Variants in ZNF329 observed in about 807,000 individuals in gnomAD.
The protein encoded by ZNF329 is zinc finger protein 329.
ZNF329 carries 15 observed loss-of-function variants against 26.6 expected under a neutral mutation model. That is an observed-to-expected ratio of 0.56 (90% CI 0.38 to 0.87). ZNF329 has a LOEUF of 0.87. Among genes scored for constraint, ZNF329 ranks in the 40% least tolerant of loss-of-function variants. ZNF329 has a pLI of 0.00. For missense variants in ZNF329, 651 were observed against 651.9 expected, an observed-to-expected ratio of 1.00 and a Z score of 0.02; for synonymous variants, 239 against 233.5, an observed-to-expected ratio of 1.02 and a Z score of -0.21.
chr19:58,141,424 G>A (rs1282280675), intron 3 of ZNF329, among the ~76,000 whole-genome samples: 2 of 151,924 alleles, frequency 1.3e-5, no homozygotes, highest in Non-Finnish European at 2.9e-5. Context: ...TCAGTCTCCC[G>A]AGTACCTGGG....
chr19:58,136,684 C>CAAAAAAAAAAAAAA (rs56293356), intron 3 of ZNF329: 2 of 88,696 alleles, frequency 2.3e-5, no homozygotes, highest in African/African-American at 1.0e-4. Context: ...AGACTGTCTC[C>CAAAAAAAAAAAAAA]AAAAAAAAAA....
At chr19:58,140,505 C>T (rs1378958370) in intron 3 of ZNF329, among the ~76,000 whole-genome samples, 9 of 150,808 alleles carry the variant, frequency 6.0e-5, no homozygotes, top group South Asian at 4.2e-4. Flanking sequence ...CTCCGTCTCC[C>T]GGGTTCACGC....
intron 3 of ZNF329, among the ~76,000 whole-genome samples, chr19:58,130,232 A>C (rs925810821): frequency 4.6e-5 from 7 of 151,964 alleles, no homozygotes; most frequent in African/African-American, 1.5e-4. Flanking sequence ...CTGAGGCAGG[A>C]GAATCACTTC....
At position 58,129,160 on chromosome 19, in the gene ZNF329, G is replaced by T; in HGVS notation, c.344C>A (p.Ala115Glu). 6.2e-7 allele frequency: 1 copy of T among 1,614,098 alleles called. No homozygotes were observed. Among genetic ancestry groups the T allele is most frequent in the Non-Finnish European group, 8.5e-7 (1 of 1,180,034 alleles). ...PALPSYPKSY[A>E]DKRTGDSDAC... ...ATCACTGTCACCAGTTCTCTTATCT[G>T]CATAACTTTTAGGATAGCTGGGTAA... The change falls in exon 4 of 4, where the codon GCA becomes GAA. Residue 115 changes from alanine (A) to glutamate (E), a missense_variant. Coordinates refer to ENST00000598312, the MANE Select transcript of ZNF329 (RefSeq NM_024620.4).
chr19:58,128,509 A>G lies in ZNF329; in HGVS notation c.995T>C (p.Val332Ala). 7 of 1,614,102 alleles carry G rather than the reference A, an allele frequency of 4.3e-6. No individual in the cohort carries two copies. The highest frequency in any genetic ancestry group is 5.9e-6 in the Non-Finnish European group (7 of 1,179,988). Residue 332 changes from valine (V) to alanine (A), a missense_variant, in exon 4 of 4, where the codon GTG becomes GCG. By Grantham distance (64) the Val-to-Ala change is moderately conservative. Transcript: ENST00000598312. ...KPFTDISHLTVHLRIHTGEKP... is the reference protein window; with the variant it reads ...KPFTDISHLTAHLRIHTGEKP... ...CTCACCGGTGTGGATTCTGAGATGC[A>G]CTGTAAGGTGGGAGATGTCAGTGAA... is the stretch of plus-strand genomic sequence containing the variant.
At chr19:58,152,436 A>G (rs931888486), upstream of ZNF329, among the ~76,000 whole-genome samples, 1 of 151,960 alleles carries the variant, frequency 6.6e-6, no homozygotes, top group Non-Finnish European at 1.5e-5. Flanking sequence ...AAAAAAAAAA[A>G]AAAATCTTCA....
intron 1 of ZNF329, among the ~76,000 whole-genome samples, chr19:58,143,510 G>T (rs968955736): frequency 6.6e-6 from 1 of 152,172 alleles, no homozygotes. Flanking sequence ...AAAGAGCTAG[G>T]AGTAGTTGTT....
Position 58,128,564 on chromosome 19 carries a change from G to GT in ZNF329, c.939dup (p.Pro314ThrfsTer3). 1 of 1,614,102 alleles carries GT rather than the reference G, an allele frequency of 6.2e-7. No homozygotes were observed. The highest frequency in any genetic ancestry group is 1.7e-4 in the Middle Eastern group (1 of 6,060). On this transcript the variant is annotated frameshift_variant, in exon 4 of 4. Coordinates refer to ENST00000598312, the MANE Select transcript of ZNF329 (RefSeq NM_024620.4). LOFTEE classifies it high-confidence loss of function. Reference sequence around the variant, plus strand: ...TTCCCACATTCGTTACATCTATATGGTTTTTCCCCTGTATGAGTTCTTTGG... The same window carrying GT: ...TTCCCACATTCGTTACATCTATATGGTTTTTTCCCCTGTATGAGTTCTTTGG...
Position 58,147,878 on chromosome 19 carries a change from C to T in ZNF329, c.-208+2874G>A, listed in dbSNP as rs1001663021. Among the ~76,000 whole-genome samples the T allele has an allele frequency of 4.6e-5, 7 of 151,706 alleles. No homozygotes were observed. The East Asian group carries it at 9.7e-4, about 21-fold the overall frequency. ...GAGGAGCCCCTATGCCCAGCCACCA[C>T]CCCGTCTGGGAGGTGTACCCAACAG... On this transcript the variant is annotated intron_variant, in intron 1 of 3. Coordinates refer to ENST00000598312, the MANE Select transcript of ZNF329 (RefSeq NM_024620.4).
chr19:58,132,790 C>T (rs553199188), intron 3 of ZNF329: 1 of 148,198 alleles, frequency 6.7e-6, no homozygotes, highest in East Asian at 2.0e-4. Flanking sequence ...TCAATCCATA[C>T]CTACGTAGAT....
At chr19:58,148,406 AAAAAG>A (rs992243344) in intron 1 of ZNF329, among the ~76,000 whole-genome samples, 4 of 151,812 alleles carry the variant, frequency 2.6e-5, no homozygotes, top group Non-Finnish European at 5.9e-5. Flanking sequence ...AAAAAAAAAA[AAAAAG>A]AGAGGAAGGT....
intron 1 of ZNF329, among the ~76,000 whole-genome samples, chr19:58,149,356 T>C (rs2075397591): frequency 6.6e-6 from 1 of 152,172 alleles, no homozygotes; most frequent in Admixed American, 6.6e-5. Flanking sequence ...CACTTTACTC[T>C]ATGGACTCGC....
At chr19:58,149,024 A>T (rs1278000574) in intron 1 of ZNF329, among the ~76,000 whole-genome samples, 1 of 152,192 alleles carries the variant, frequency 6.6e-6, no homozygotes, top group Non-Finnish European at 1.5e-5. Flanking sequence ...AACACAGGAG[A>T]TTTGCACAAG....
At chr19:58,145,267 G>A (rs1273998409) in intron 1 of ZNF329, among the ~76,000 whole-genome samples, 1 of 150,766 alleles carries the variant, frequency 6.6e-6, no homozygotes, top group Non-Finnish European at 1.5e-5. Flanking sequence ...TGGGATTAAG[G>A]CGTGAGCCAC....
chr19:58,148,581 G>C (rs1433166960), intron 1 of ZNF329, among the ~76,000 whole-genome samples: 2 of 151,998 alleles, frequency 1.3e-5, no homozygotes, highest in African/African-American at 4.8e-5. Flanking sequence ...GGCTGGGTGT[G>C]GTGGCTCACA....
At chr19:58,146,890 T>G (rs2075323435) in intron 1 of ZNF329, among the ~76,000 whole-genome samples, 1 of 151,790 alleles carries the variant, frequency 6.6e-6, no homozygotes, top group South Asian at 2.1e-4. Flanking sequence ...TGGCGTGATC[T>G]TGGCTTGCTA....
Sources: gnomAD v4.1 joint callset for allele counts (sites outside exome capture counted in the v4.1 genomes callset) on GRCh38, gnomAD v4.1.1 for gene constraint, MANE v1.5 for transcripts, NCBI Gene and HGNC (gene_info 2026-07-23, HGNC 2026-07-21) for gene names.